COL22A1: variants seen among roughly 807,000 people sequenced by gnomAD.
The protein encoded by COL22A1 is collagen type XXII alpha 1 chain, also known as collagen alpha-1(XXII) chain.
Under a neutral mutation model 248.9 loss-of-function variants are expected in COL22A1, and 221 were observed. The ratio of observed to expected loss-of-function variants is 0.89; its 90% CI spans 0.80 to 0.99. COL22A1 has a LOEUF of 0.99. COL22A1 is among the 50% of genes least tolerant of loss of function. The probability of loss-of-function intolerance (pLI) is 0.00; values close to 1 mark genes in which losing one functional copy is unlikely to be tolerated. For synonymous variants in COL22A1, 891 were observed against 793.4 expected, an observed-to-expected ratio of 1.12 and a Z score of -2.07; for missense variants, 2,240 against 2,179.0, an observed-to-expected ratio of 1.03 and a Z score of -0.56.
chr8:138,743,961 A>G (rs1024961004), intron 22 of COL22A1, among the ~76,000 whole-genome samples: 1 of 152,158 alleles, frequency 6.6e-6, no homozygotes, highest in African/African-American at 2.4e-5. Flanking sequence ...ACTGATTCTA[A>G]TATGTGCCGT....
chr8:138,623,262 ATGTGTGTGTG>A (rs5895542), intron 52 of COL22A1, among the ~76,000 whole-genome samples: 252 of 143,544 alleles, frequency 1.8e-3, no homozygotes, highest in Middle Eastern at 3.6e-3. Flanking sequence ...ATATATATTT[ATGTGTGTGTG>A]TGTGTGTGTG....
chr8:138,623,985 T>G (rs1217879923), intron 51 of COL22A1, among the ~76,000 whole-genome samples, 200 bp from the exon 52 acceptor site: 7 of 152,208 alleles, frequency 4.6e-5, no homozygotes, highest in African/African-American at 1.7e-4. Flanking sequence ...TGTGGATCTC[T>G]GACTTGCAGT....
At chr8:138,813,549 T>C (rs1254827028) in intron 7 of COL22A1, among the ~76,000 whole-genome samples, 1 of 152,202 alleles carries the variant, frequency 6.6e-6, no homozygotes, top group East Asian at 1.9e-4. Context: ...AGTATGTCGT[T>C]ATTAGCAGTG....
chr8:138,840,610 A>G (rs1820811891), intron 4 of COL22A1, among the ~76,000 whole-genome samples: 1 of 152,036 alleles, frequency 6.6e-6, no homozygotes, highest in Admixed American at 6.6e-5. Flanking sequence ...ATTATTAAGA[A>G]AAGGTCTTGC....
chr8:138,725,555 A>G, intron 23 of COL22A1, 115 bp from the exon 24 acceptor site: 1 of 838,068 alleles, frequency 1.2e-6, no homozygotes, highest in South Asian at 1.9e-5. Context: ...TGGGATTTTA[A>G]CTTTATTTGT....
At chr8:138,844,062 G>A (rs193051607) in intron 4 of COL22A1, 22 bp downstream of exon 4, 10 of 1,606,328 alleles carry the variant, frequency 6.2e-6, no homozygotes, top group Admixed American at 3.3e-5. Context: ...GCAAGCACAC[G>A]TGGTTATTGT....
chr8:138,744,531 G>A (rs1831951506), intron 22 of COL22A1, among the ~76,000 whole-genome samples: 1 of 152,010 alleles, frequency 6.6e-6, no homozygotes, highest in Admixed American at 6.6e-5. Flanking sequence ...GAAGCAAAGA[G>A]GGTGGAGAAT....
chr8:138,848,854 T>C (rs760130777), intron 3 of COL22A1, among the ~76,000 whole-genome samples: 2 of 152,174 alleles, frequency 1.3e-5, no homozygotes, highest in South Asian at 2.1e-4. Context: ...GGCCCCATGT[T>C]AGATCAGCAG....
In COL22A1 at chr8:138,662,097, A is replaced by G. The variant is rs200946373; in HGVS notation, c.3187-14T>C. The G allele has an allele frequency of 1.9e-6, 3 of 1,610,710 alleles. No individual in the cohort carries two copies. In the African/African-American group the frequency reaches 4.0e-5, roughly 22 times the overall value. ...GCCTCGTGATCCCTGAAGAAAAAGA[A>G]AAGAAGACACTGACACCCTACAATA... On this transcript the variant is annotated splice_polypyrimidine_tract_variant and intron_variant, in intron 42 of 64. Transcript: ENST00000303045.
At chr8:138,731,446 G>T (rs1218456700) in intron 23 of COL22A1, among the ~76,000 whole-genome samples, 1 of 152,108 alleles carries the variant, frequency 6.6e-6, no homozygotes, top group Non-Finnish European at 1.5e-5. Flanking sequence ...ATAGGGGGAG[G>T]GATGCAGGCA....
At chr8:138,781,790 C>A (rs187866677) in intron 12 of COL22A1, among the ~76,000 whole-genome samples, 1 of 152,292 alleles carries the variant, frequency 6.6e-6, no homozygotes, top group Admixed American at 6.5e-5. Context: ...TCTCCCCGCC[C>A]CACTCCCAGC....
intron 3 of COL22A1, among the ~76,000 whole-genome samples, chr8:138,849,466 G>T (rs6988991): frequency 0.016 from 2,507 of 152,346 alleles, 62 homozygotes; most frequent in African/African-American, 0.057. Context: ...AAAGAAGTTA[G>T]TCAACTGCCC....
chr8:138,755,338 G>A (rs1832912056), intron 20 of COL22A1, 128 bp from the exon 21 acceptor site: 5 of 1,261,362 alleles, frequency 4.0e-6, no homozygotes, highest in Non-Finnish European at 4.6e-6. Context: ...GTAGAGGTAT[G>A]GGAGTGGGTA....
chr8:138,802,349 A>T lies in COL22A1; in HGVS notation c.1557+523T>A, dbSNP rs73362894. ...GGTGCTGGAAACTCTGTGACTATAA[A>T]TCACAGATCAGGACACCTGGGAGTC... is the stretch of plus-strand genomic sequence containing the variant. On this transcript the variant is annotated intron_variant, in intron 11 of 64. Coordinates refer to ENST00000303045, the MANE Select transcript of COL22A1 (RefSeq NM_152888.3). Among the ~76,000 whole-genome samples, 936 of 152,118 alleles carry T rather than the reference A, an allele frequency of 6.2e-3. 7 individuals carry two copies. The highest frequency in any genetic ancestry group is 0.022 in the African/African-American group (916 of 41,504).
In COL22A1 at chr8:138,819,406, C is replaced by T. The variant is rs1312021342; in HGVS notation, c.1245+1730G>A. 2.0e-5 allele frequency among the ~76,000 whole-genome samples: 3 copies of T among 151,842 alleles called. No individual in the cohort carries two copies. In the South Asian group the frequency reaches 6.2e-4, roughly 32 times the overall value. ...GCATCACCAAAGGGGGACGTGGGAA[C>T]CATCAGTAAACATAGGGAAGGATTT... On this transcript the variant is annotated intron_variant, in intron 7 of 64. Coordinates refer to ENST00000303045, the MANE Select transcript of COL22A1 (RefSeq NM_152888.3).
chr8:138,856,650 CAG>C (rs1007255714), intron 3 of COL22A1, among the ~76,000 whole-genome samples: 6 of 140,968 alleles, frequency 4.3e-5, no homozygotes, highest in Non-Finnish European at 7.6e-5. Flanking sequence ...GAAACAGAGA[CAG>C]AGACACAGCA....
At chr8:138,794,611 T>G (rs898428541) in intron 12 of COL22A1, among the ~76,000 whole-genome samples, 1 of 152,244 alleles carries the variant, frequency 6.6e-6, no homozygotes, top group African/African-American at 2.4e-5. Flanking sequence ...ATAGCCACGA[T>G]ATGGAAACAA....
chr8:138,589,152 A>AG lies in COL22A1; in HGVS notation c.*100dup. 1 of 1,071,052 alleles carries AG rather than the reference A, an allele frequency of 9.3e-7. No homozygotes were observed. The highest frequency in any genetic ancestry group is 1.3e-6 in the Non-Finnish European group (1 of 745,450). 66.3% of individuals were successfully genotyped at this position (1,071,052 alleles called of 1,614,324 possible). A position where few individuals can be genotyped will look rare whatever the true frequency, so the allele number is the denominator to read the frequency against. ...AAACGATAAAAGAAAGAAAAAAAAA[A>AG]GGAACACATGGCTGAAGTCTTTCAA... is the stretch of plus-strand genomic sequence containing the variant. On this transcript the variant is annotated 3_prime_UTR_variant, in exon 65 of 65. Transcript: ENST00000303045.
chr8:138,601,607 GA>G (rs76531503), intron 60 of COL22A1, among the ~76,000 whole-genome samples: 4 of 151,708 alleles, frequency 2.6e-5, no homozygotes, highest in African/African-American at 7.2e-5. Flanking sequence ...AGAAAAAAAA[GA>G]AAAAAAAGTC....
Sources: gnomAD v4.1 joint callset for allele counts (sites outside exome capture counted in the v4.1 genomes callset) on GRCh38, gnomAD v4.1.1 for gene constraint, MANE v1.5 for transcripts, NCBI Gene and HGNC (gene_info 2026-07-23, HGNC 2026-07-21) for gene names.